Variants in CDH4 observed in about 807,000 individuals in gnomAD.
CDH4 encodes cadherin-4.
Under a neutral mutation model 86.0 loss-of-function variants are expected in CDH4, and 33 were observed. The observed-to-expected ratio is 0.38, with a 90% CI of 0.29 to 0.51. CDH4 has a LOEUF of 0.51. Among genes scored for constraint, CDH4 ranks in the 20% least tolerant of loss-of-function variants. The pLI, the probability that CDH4 is intolerant of heterozygous loss-of-function variation, is 0.86. For missense variants in CDH4, 1,114 were observed against 1,307.4 expected, an observed-to-expected ratio of 0.85 and a Z score of 2.28; for synonymous variants, 555 against 549.4, an observed-to-expected ratio of 1.01 and a Z score of -0.14.
intron 2 of CDH4, among the ~76,000 whole-genome samples, chr20:61,372,665 G>A (rs941102171): frequency 2.6e-5 from 4 of 152,134 alleles, no homozygotes; most frequent in Non-Finnish European, 4.4e-5. Flanking sequence ...TTACCCTGAC[G>A]TCCCCTGAGA....
intron 8 of CDH4, among the ~76,000 whole-genome samples, chr20:61,909,929 G>T (rs1442784706): frequency 6.6e-6 from 1 of 152,256 alleles, no homozygotes; most frequent in East Asian, 1.9e-4. Flanking sequence ...AGTGCCCATT[G>T]TTGAAGCCGC....
intron 2 of CDH4, among the ~76,000 whole-genome samples, chr20:61,653,671 G>T (rs1442673286): frequency 2.6e-5 from 3 of 115,216 alleles, no homozygotes; most frequent in South Asian, 2.7e-4. Context: ...TCTCAGACAG[G>T]GCGGCCGGGC....
intron 2 of CDH4, among the ~76,000 whole-genome samples, chr20:61,569,393 G>A (rs2086325164): frequency 1.3e-5 from 2 of 152,128 alleles, no homozygotes; most frequent in African/African-American, 4.8e-5. Context: ...TTTCTTCACT[G>A]ACTCATCACC....
chr20:61,315,235 G>A (rs112600853), intron 2 of CDH4, among the ~76,000 whole-genome samples: 7 of 152,262 alleles, frequency 4.6e-5, no homozygotes, highest in African/African-American at 1.7e-4. Context: ...TGGGGTCAGT[G>A]AGATGCTCAT....
In CDH4 at chr20:61,777,636, ACGTCTACACACGCACACACGTG is replaced by A. The variant is rs1568809774; in HGVS notation, c.576+4456_576+4477del. On this transcript the variant is annotated intron_variant, in intron 4 of 15. Coordinates refer to ENST00000614565, the MANE Select transcript of CDH4 (RefSeq NM_001794.5). ...CGCACACACGTGCATACAAAAACAC[ACGTCTACACACGCACACACGTG>A]CATACAAAGACACACACCCATACGC... is the stretch of plus-strand genomic sequence containing the variant. Among the ~76,000 whole-genome samples the A allele has an allele frequency of 8.2e-5, 12 of 145,562 alleles. 4 individuals are homozygous for A. Among genetic ancestry groups the A allele is most frequent in the Non-Finnish European group, 1.5e-4 (10 of 65,844 alleles).
intron 2 of CDH4, among the ~76,000 whole-genome samples, chr20:61,683,586 G>A (rs1471419429): frequency 6.6e-6 from 1 of 152,184 alleles, no homozygotes. Context: ...CCCGCAGATG[G>A]GCCAGGTGTT....
intron 7 of CDH4, among the ~76,000 whole-genome samples, chr20:61,875,319 G>A (rs115772105): frequency 0.014 from 2,198 of 152,316 alleles, 29 homozygotes; most frequent in South Asian, 0.061. Flanking sequence ...TAACACATGG[G>A]GGCAGAGAGG....
intron 2 of CDH4, among the ~76,000 whole-genome samples, chr20:61,255,594 G>A (rs1217971322): frequency 6.6e-6 from 1 of 152,222 alleles, no homozygotes; most frequent in Non-Finnish European, 1.5e-5. Context: ...GAGCACCTTG[G>A]CTGTGAGCCT....
chr20:61,590,549 G>A (rs907309797), intron 2 of CDH4, among the ~76,000 whole-genome samples: 7 of 152,168 alleles, frequency 4.6e-5, no homozygotes, highest in African/African-American at 1.4e-4. Flanking sequence ...GCTGCAGTCC[G>A]GAACAGTGGA....
At chr20:61,691,719 C>T (rs924164916) in intron 2 of CDH4, among the ~76,000 whole-genome samples, 2 of 152,198 alleles carry the variant, frequency 1.3e-5, no homozygotes, top group African/African-American at 4.8e-5. Context: ...ACAGCAGTAA[C>T]AATGGTATTT....
intron 2 of CDH4, among the ~76,000 whole-genome samples, chr20:61,714,046 ATTTTATTTTAT>A (rs1322057043): frequency 3.4e-5 from 5 of 149,208 alleles, no homozygotes; most frequent in Middle Eastern, 3.2e-3. Context: ...ATTTTATTTT[ATTTTATTTTAT>A]TTTATTTGAG....
intron 5 of CDH4, among the ~76,000 whole-genome samples, chr20:61,846,443 G>T (rs373138095): frequency 8.5e-5 from 13 of 152,246 alleles, no homozygotes; most frequent in African/African-American, 3.1e-4. Context: ...CTCAGGAACC[G>T]GAACTCAACA....
chr20:61,317,448 C>T (rs1282706973), intron 2 of CDH4, among the ~76,000 whole-genome samples: 3 of 152,180 alleles, frequency 2.0e-5, no homozygotes, highest in African/African-American at 4.8e-5. Flanking sequence ...TGTTTATTAG[C>T]AGCCCCCACC....
intron 2 of CDH4, among the ~76,000 whole-genome samples, chr20:61,660,616 T>C (rs1335257532): frequency 2.0e-5 from 3 of 152,106 alleles, no homozygotes; most frequent in Non-Finnish European, 4.4e-5. Flanking sequence ...GGGCGGTCGT[T>C]CCCGGCAGGA....
At chr20:61,815,588 AC>A (rs1474118611) in intron 4 of CDH4, among the ~76,000 whole-genome samples, 1 of 151,684 alleles carries the variant, frequency 6.6e-6, no homozygotes, top group Admixed American at 6.6e-5. Context: ...GAGCCTGAAG[AC>A]CCCCTGATGA....
chr20:61,453,459 T>A (rs2085390988), intron 2 of CDH4, among the ~76,000 whole-genome samples: 1 of 152,110 alleles, frequency 6.6e-6, no homozygotes, highest in Non-Finnish European at 1.5e-5. Flanking sequence ...TCTTCCAGTG[T>A]CCTGTCTCTC....
rs549657857 is a variant in CDH4, at chr20:61,754,606, C to T, written c.396+10817C>T. ...CAGGCACACTGCCCGGAACACCACA[C>T]ACACGGTGCACGGCACACACACCAC... On this transcript the variant is annotated intron_variant, in intron 3 of 15. Transcript: ENST00000614565. This position sits in a 1 kb window ranked among gnomAD's most constrained non-coding sequence, Gnocchi z 4.7. Among the ~76,000 whole-genome samples the T allele has an allele frequency of 1.4e-5, 2 of 142,778 alleles. No individual in the cohort carries two copies. Among genetic ancestry groups the T allele is most frequent in the East Asian group, 1.9e-4 (1 of 5,176 alleles). The allele number at this position is 142,778 out of a possible 152,430, so 93.7% of individuals were successfully genotyped here.
intron 2 of CDH4, among the ~76,000 whole-genome samples, chr20:61,395,894 T>C (rs1053615680): frequency 6.6e-6 from 1 of 152,244 alleles, no homozygotes; most frequent in African/African-American, 2.4e-5. Flanking sequence ...TGCTTAATGA[T>C]AGCCAGCATT....
intron 2 of CDH4, chr20:61,718,566 G>T (rs1667458283): frequency 2.9e-6 from 1 of 341,060 alleles, no homozygotes; most frequent in Non-Finnish European, 5.8e-6. Context: ...TCACAGCCAA[G>T]CACCACCTGC....
Sources: gnomAD v4.1 joint callset for allele counts (sites outside exome capture counted in the v4.1 genomes callset) on GRCh38, gnomAD v4.1.1 for gene constraint, Gnocchi (gnomAD v3.1) non-coding constraint, MANE v1.5 for transcripts, NCBI Gene and HGNC (gene_info 2026-07-23, HGNC 2026-07-21) for gene names.